SEMA3D: variants seen among roughly 807,000 people sequenced by gnomAD.
SEMA3D encodes semaphorin 3D.
A neutral mutation model predicts 100.1 loss-of-function variants in SEMA3D; 84 were observed. That is an observed-to-expected ratio of 0.84 (90% confidence interval 0.70 to 1.01). The LOEUF (loss-of-function observed/expected upper bound fraction) is 1.01, where lower values mean the gene tolerates loss of function less well. Ranked by LOEUF, SEMA3D falls within the 50% of genes least tolerant of loss-of-function variation. The probability of loss-of-function intolerance (pLI) is 0.00; values close to 1 mark genes in which losing one functional copy is unlikely to be tolerated. For synonymous variants in SEMA3D, 312 were observed against 320.7 expected (o/e 0.97, Z 0.29); for missense variants, 875 against 934.1 (o/e 0.94, Z 0.82).
At chr7:85,196,210 A>G in the SEMA3D span, among the ~76,000 whole-genome samples, 2 of 152,284 alleles carry the variant, frequency 1.3e-5, no homozygotes, top group Admixed American at 6.5e-5. Context: ...ATGAACTGAC[A>G]TGCTCAAGGA....
chr7:85,222,160 C>A, the SEMA3D span, among the ~76,000 whole-genome samples: 1 of 152,032 alleles, frequency 6.6e-6, no homozygotes. Context: ...ACTTATTTTG[C>A]TACCATTTAC....
intron 1 of SEMA3D, among the ~76,000 whole-genome samples, chr7:85,185,697 C>T (rs1791520546): frequency 6.6e-6 from 1 of 152,192 alleles, no homozygotes; most frequent in African/African-American, 2.4e-5. Flanking sequence ...AACTTCCCTC[C>T]TTGCACTGTG....
chr7:85,197,438 G>A, the SEMA3D span, among the ~76,000 whole-genome samples: 1 of 152,050 alleles, frequency 6.6e-6, no homozygotes, highest in Admixed American at 6.6e-5. Flanking sequence ...AAATTTACCT[G>A]TATTACCTAT....
At chr7:85,037,148 G>A in intron 11 of SEMA3D, 115 bp from the exon 12 acceptor site, 2 of 928,360 alleles carry the variant, frequency 2.2e-6, no homozygotes, top group Non-Finnish European at 3.2e-6. Flanking sequence ...CATTAAATTT[G>A]ATGGGTACTG....
chr7:85,174,324 C>T (rs367578870), intron 1 of SEMA3D, among the ~76,000 whole-genome samples: 71 of 152,046 alleles, frequency 4.7e-4, no homozygotes, highest in Admixed American at 1.6e-3. Flanking sequence ...TGGCATGCAG[C>T]GGGTGCACAA....
chr7:85,015,241 A>T, intron 15 of SEMA3D, 25 bp from the exon 16 acceptor site: 1 of 1,597,152 alleles, frequency 6.3e-7, no homozygotes, highest in Non-Finnish European at 8.6e-7. Context: ...AAACAAATGA[A>T]TTAGAAGCAT....
chr7:85,238,765 C>T, the SEMA3D span, among the ~76,000 whole-genome samples: 1 of 152,158 alleles, frequency 6.6e-6, no homozygotes, highest in Non-Finnish European at 1.5e-5. Context: ...TGCATTTAAT[C>T]TGTAGATCAC....
chr7:85,054,014 A>T (rs1791240391), intron 9 of SEMA3D, among the ~76,000 whole-genome samples: 1 of 151,910 alleles, frequency 6.6e-6, no homozygotes, highest in Non-Finnish European at 1.5e-5. Context: ...TTTTCATAAT[A>T]TAAATAAAAT....
chr7:85,078,307 GGAAGGAAGGAAA>G (rs1787946031), intron 5 of SEMA3D, among the ~76,000 whole-genome samples: 2 of 151,328 alleles, frequency 1.3e-5, no homozygotes, highest in South Asian at 2.1e-4. Flanking sequence ...GAAAGTGAGA[GGAAGGAAGGAAA>G]GAAGGAAGGA....
chr7:85,003,323 A>G (rs1445244527), intron 18 of SEMA3D, among the ~76,000 whole-genome samples: 1 of 152,110 alleles, frequency 6.6e-6, no homozygotes, highest in Non-Finnish European at 1.5e-5. Flanking sequence ...ATGCTGGAGC[A>G]ATGAGCTCGT....
intron 12 of SEMA3D, chr7:85,028,361 G>T: frequency 5.3e-6 from 3 of 569,840 alleles, no homozygotes; most frequent in Admixed American, 2.8e-5. Flanking sequence ...GCCAATTGTC[G>T]CTGCTATTGC....
chr7:85,031,201 GT>G (rs777291632), intron 12 of SEMA3D, among the ~76,000 whole-genome samples: 11 of 151,952 alleles, frequency 7.2e-5, no homozygotes, highest in Non-Finnish European at 1.3e-4. Flanking sequence ...AAGTTGTAGT[GT>G]TTATTTAACT....
intron 4 of SEMA3D, among the ~76,000 whole-genome samples, chr7:85,087,606 A>G (rs1788263053): frequency 6.6e-6 from 1 of 152,218 alleles, no homozygotes; most frequent in Non-Finnish European, 1.5e-5. Flanking sequence ...TTGATAACAG[A>G]AAACTGGCAA....
chr7:85,214,427 G>A, the SEMA3D span, among the ~76,000 whole-genome samples: 2 of 152,132 alleles, frequency 1.3e-5, no homozygotes, highest in Admixed American at 1.3e-4. Flanking sequence ...GACACCCAGA[G>A]AGAAAGATAT....
chr7:85,224,197 TAA>T, the SEMA3D span, among the ~76,000 whole-genome samples: 1 of 152,190 alleles, frequency 6.6e-6, no homozygotes, highest in African/African-American at 2.4e-5. Context: ...GGTCTACTTA[TAA>T]AATTGCCGAA....
chr7:85,231,403 T>C, the SEMA3D span, among the ~76,000 whole-genome samples: 2 of 151,850 alleles, frequency 1.3e-5, no homozygotes, highest in Admixed American at 1.3e-4. Context: ...ATCATTGAAT[T>C]ATTCCAACCC....
chr7:85,141,527 G>T (rs1382064952), intron 2 of SEMA3D: 1 of 984,862 alleles, frequency 1.0e-6, no homozygotes, highest in East Asian at 1.1e-4. Context: ...CTACATGAAT[G>T]ACCACAAAGT....
At chr7:85,015,397 G>C (rs1174741019) in intron 15 of SEMA3D, among the ~76,000 whole-genome samples, 181 bp from the exon 16 acceptor site, 1 of 151,822 alleles carries the variant, frequency 6.6e-6, no homozygotes, top group African/African-American at 2.4e-5. Context: ...ATCCTGGTTA[G>C]ATGGTAGTTT....
At chr7:85,072,530 C>T (rs1468162191) in intron 6 of SEMA3D, among the ~76,000 whole-genome samples, 1 of 152,098 alleles carries the variant, frequency 6.6e-6, no homozygotes, top group Non-Finnish European at 1.5e-5. Flanking sequence ...TAAAGACATA[C>T]ATGGAGCCCA....
Sources: allele counts gnomAD v4.1 joint callset (sites outside exome capture counted in the v4.1 genomes callset), GRCh38; gene constraint gnomAD v4.1.1; transcripts MANE v1.5; gene names NCBI Gene and HGNC (gene_info 2026-07-23, HGNC 2026-07-21).